Variants in PPP4R3B observed in about 807,000 individuals in gnomAD.
The protein encoded by PPP4R3B is protein phosphatase 4 regulatory subunit 3B.
A neutral mutation model predicts 95.4 loss-of-function variants in PPP4R3B; 52 were observed. The ratio of observed to expected loss-of-function variants is 0.54; its 90% CI spans 0.44 to 0.69. The LOEUF is 0.69. Ranked by LOEUF, PPP4R3B falls within the 30% of genes least tolerant of loss-of-function variation. The pLI is 0.00. For missense variants in PPP4R3B, 1,003 were observed against 1,005.9 expected (o/e 1.00, Z 0.04); for synonymous variants, 407 against 343.9 (o/e 1.18, Z -2.03).
At chr2:55,567,343 A>C (rs544339479) in intron 13 of PPP4R3B, among the ~76,000 whole-genome samples, 12 of 152,194 alleles carry the variant, frequency 7.9e-5, no homozygotes, top group Non-Finnish European at 1.8e-4. Flanking sequence ...TAGTCCATCT[A>C]ACTTCCTGAT....
intron 4 of PPP4R3B, among the ~76,000 whole-genome samples, chr2:55,593,932 T>C (rs775298598): frequency 2.0e-5 from 3 of 152,036 alleles, no homozygotes; most frequent in Non-Finnish European, 2.9e-5. Flanking sequence ...CAACAGATGA[T>C]CAGACAAAGA....
intron 2 of PPP4R3B, among the ~76,000 whole-genome samples, chr2:55,605,926 A>G (rs1693326374): frequency 1.4e-5 from 2 of 147,388 alleles, no homozygotes; most frequent in African/African-American, 5.0e-5. Flanking sequence ...AAAAAAAAAG[A>G]AATCCTTCAG....
intron 5 of PPP4R3B, 145 bp from the exon 6 acceptor site, chr2:55,586,879 A>T (rs1690214900): frequency 2.0e-6 from 1 of 489,332 alleles, no homozygotes; most frequent in Non-Finnish European, 3.6e-6. Flanking sequence ...TACATTAAAA[A>T]CAAATTAAAA....
intron 4 of PPP4R3B, among the ~76,000 whole-genome samples, chr2:55,595,967 A>C (rs1691717381): frequency 6.6e-6 from 1 of 152,232 alleles, no homozygotes; most frequent in African/African-American, 2.4e-5. Flanking sequence ...AAGTAAGACA[A>C]GTACTTAAAA....
At chr2:55,559,967 C>T (rs1686379373) in intron 15 of PPP4R3B, among the ~76,000 whole-genome samples, 1 of 151,942 alleles carries the variant, frequency 6.6e-6, no homozygotes, top group Non-Finnish European at 1.5e-5. Context: ...ATTAAAAATA[C>T]AAAAATTAGC....
intron 16 of PPP4R3B, among the ~76,000 whole-genome samples, chr2:55,551,620 G>A (rs752852735): frequency 3.3e-5 from 5 of 151,852 alleles, no homozygotes; most frequent in Non-Finnish European, 5.9e-5. Flanking sequence ...GAGTGGTGGC[G>A]CATGCCTGTA....
chr2:55,611,289 G>T (rs1694133855), intron 2 of PPP4R3B, among the ~76,000 whole-genome samples: 1 of 152,148 alleles, frequency 6.6e-6, no homozygotes, highest in Non-Finnish European at 1.5e-5. Flanking sequence ...AGCCTCCCAA[G>T]GAGCTGGGAC....
intron 4 of PPP4R3B, among the ~76,000 whole-genome samples, chr2:55,590,308 C>G (rs1349987277): frequency 1.3e-5 from 2 of 151,976 alleles, no homozygotes; most frequent in Non-Finnish European, 2.9e-5. Flanking sequence ...GCCTGGGCAA[C>G]AAGAGTGAAA....
intron 1 of PPP4R3B, among the ~76,000 whole-genome samples, chr2:55,616,193 A>C (rs1438185555): frequency 3.3e-5 from 5 of 152,158 alleles, no homozygotes; most frequent in African/African-American, 7.2e-5. Context: ...CCAGTTTAAC[A>C]AATAATGCAA....
At chr2:55,600,723 A>G (rs1027023113) in intron 3 of PPP4R3B, among the ~76,000 whole-genome samples, 10 of 152,098 alleles carry the variant, frequency 6.6e-5, no homozygotes, top group African/African-American at 2.4e-4. Context: ...TCCCTTCCAA[A>G]GGTGGAAAAG....
intron 2 of PPP4R3B, chr2:55,614,609 A>G (rs1254466869): frequency 1.3e-5 from 2 of 152,200 alleles, no homozygotes; most frequent in Non-Finnish European, 2.9e-5. Flanking sequence ...AAGAATACAC[A>G]TCAACTTCAG....
chr2:55,565,885 A>G (rs1687232790), intron 13 of PPP4R3B: 2 of 152,474 alleles, frequency 1.3e-5, no homozygotes, highest in Admixed American at 1.3e-4. Context: ...GACACGTGTT[A>G]CCTAAATAAT....
At chr2:55,558,044 A>C (rs1359716773) in intron 16 of PPP4R3B, among the ~76,000 whole-genome samples, 1 of 152,136 alleles carries the variant, frequency 6.6e-6, no homozygotes, top group African/African-American at 2.4e-5. Context: ...ACGATTGGAA[A>C]TGAGATATTA....
chr2:55,615,395 A>G, intron 2 of PPP4R3B, 56 bp downstream of exon 2: 1 of 1,265,964 alleles, frequency 7.9e-7, no homozygotes, highest in Non-Finnish European at 1.1e-6. Context: ...TTGTCAGATT[A>G]ATACTTCCTT....
chr2:55,584,536 C>T (rs34129478), intron 7 of PPP4R3B, among the ~76,000 whole-genome samples: 29,247 of 152,026 alleles, frequency 0.19, 3,051 homozygotes, highest in East Asian at 0.29. Flanking sequence ...TCCATTGTGT[C>T]ATTCTTATGC....
intron 2 of PPP4R3B, among the ~76,000 whole-genome samples, chr2:55,605,561 AT>A (rs1693258611): frequency 6.6e-6 from 1 of 152,122 alleles, no homozygotes; most frequent in Admixed American, 6.6e-5. Flanking sequence ...TTTGGGAGAA[AT>A]TTGCTACCAG....
At chr2:55,602,052 T>C (rs1359528361) in intron 3 of PPP4R3B, among the ~76,000 whole-genome samples, 2 of 152,120 alleles carry the variant, frequency 1.3e-5, no homozygotes, top group Non-Finnish European at 2.9e-5. Flanking sequence ...TGACTATCAG[T>C]TTCTATGGTA....
At chr2:55,596,238 A>C (rs769785541) in intron 4 of PPP4R3B, among the ~76,000 whole-genome samples, 8 of 152,230 alleles carry the variant, frequency 5.3e-5, no homozygotes, top group Non-Finnish European at 8.8e-5. Flanking sequence ...TTGAGGCCGA[A>C]GCAAATCTGA....
intron 4 of PPP4R3B, among the ~76,000 whole-genome samples, chr2:55,597,257 C>A (rs112373577): frequency 0.14 from 20,564 of 151,994 alleles, 2,833 homozygotes; most frequent in African/African-American, 0.35. Context: ...GAGGCCGGGG[C>A]AGGTGGATCA....
Sources: gnomAD v4.1 joint callset for allele counts (sites outside exome capture counted in the v4.1 genomes callset) on GRCh38, gnomAD v4.1.1 for gene constraint, MANE v1.5 for transcripts, NCBI Gene and HGNC (gene_info 2026-07-23, HGNC 2026-07-21) for gene names.